FAAH2: variants seen among roughly 807,000 people sequenced by gnomAD.
FAAH2 encodes the protein fatty acid amide hydrolase 2.
FAAH2 carries 60 observed loss-of-function variants against 36.9 expected under a neutral mutation model. The ratio of observed to expected loss-of-function variants is 1.63; its 90% confidence interval spans 1.32 to 2.02. The LOEUF (loss-of-function observed/expected upper bound fraction) is 2.02. FAAH2 is among the 30% of genes most tolerant of loss of function. FAAH2 has a pLI of 0.00. For synonymous variants in FAAH2, 214 were observed against 143.8 expected, an observed-to-expected ratio of 1.49 and a Z score of -3.49; for missense variants, 689 against 397.5, an observed-to-expected ratio of 1.73 and a Z score of -6.23.
intron 7 of FAAH2, among the ~76,000 whole-genome samples, chrX:57,385,785 G>A (rs2055005834): frequency 9.0e-6 from 1 of 110,707 alleles, no homozygotes; most frequent in African/African-American, 3.3e-5. Context: ...GCGGGCGCCT[G>A]TAGTCCCAGC....
chrX:57,419,918 G>A (rs1029964795), intron 7 of FAAH2, among the ~76,000 whole-genome samples: 6 of 111,908 alleles, frequency 5.4e-5, no homozygotes, highest in Non-Finnish European at 1.1e-4. Context: ...AAGGGATCCA[G>A]TTTCAGCTTT....
intron 10 of FAAH2, among the ~76,000 whole-genome samples, chrX:57,478,537 G>A (rs1296763699): frequency 1.8e-5 from 2 of 111,600 alleles, no homozygotes; most frequent in African/African-American, 6.5e-5. Flanking sequence ...ATTGCTTTTG[G>A]TGTTTTAGAC....
intron 7 of FAAH2, among the ~76,000 whole-genome samples, chrX:57,409,734 T>C (rs1440577357): frequency 9.0e-6 from 1 of 111,149 alleles, no homozygotes; most frequent in Non-Finnish European, 1.9e-5. Context: ...CTTCTATGTT[T>C]CCACTTGTTA....
rs764618154 is a variant in FAAH2, at chrX:57,292,549, A to G, written c.244A>G (p.Asn82Asp). The G allele has an allele frequency of 8.3e-7, 1 of 1,210,421 alleles. No individual in the cohort carries two copies. The highest frequency in any genetic ancestry group is 3.0e-5 in the East Asian group (1 of 33,782). Residue 82 changes from asparagine (N) to aspartate (D), a missense_variant, in exon 2 of 11, where the codon AAC becomes GAC. Coordinates refer to ENST00000374900, the MANE Select transcript of FAAH2 (RefSeq NM_174912.4). ...TTATATCAACAGAATCAAGGACGTG[A>G]ACCCAATGATCAATGGAATTGTCAA... is the stretch of plus-strand genomic sequence containing the variant. ...QAYINRIKDV[N>D]PMINGIVKYR...
chrX:57,148,540 C>T, the FAAH2 span, among the ~76,000 whole-genome samples: 6 of 111,246 alleles, frequency 5.4e-5, no homozygotes, highest in African/African-American at 2.0e-4. Flanking sequence ...AATGGGAGTT[C>T]ACTCATGATT....
intron 7 of FAAH2, among the ~76,000 whole-genome samples, 190 bp from the exon 8 acceptor site, chrX:57,431,728 G>T (rs2056298923): frequency 9.5e-6 from 1 of 105,535 alleles, no homozygotes; most frequent in African/African-American, 3.5e-5. Context: ...AAACTACTTT[G>T]CTCTATATAT....
At chrX:57,163,235 C>T in the FAAH2 span, among the ~76,000 whole-genome samples, 32 of 111,911 alleles carry the variant, frequency 2.9e-4, no homozygotes, top group East Asian at 8.2e-3. Flanking sequence ...TCTCCAGCTG[C>T]GTGCTGGGAG....
intron 6 of FAAH2, among the ~76,000 whole-genome samples, chrX:57,379,352 G>A (rs980959563): frequency 1.8e-5 from 2 of 110,733 alleles, no homozygotes; most frequent in Non-Finnish European, 3.8e-5. Flanking sequence ...CATTTTTCTA[G>A]GTCTCCAGCT....
chrX:57,337,694 A>G (rs1244097871), intron 4 of FAAH2, among the ~76,000 whole-genome samples: 1 of 112,264 alleles, frequency 8.9e-6, no homozygotes, highest in Admixed American at 9.4e-5. Context: ...GCCTTCACTA[A>G]AATTCAACAT....
the FAAH2 span, among the ~76,000 whole-genome samples, chrX:57,197,673 A>T: frequency 5.4e-5 from 6 of 111,335 alleles, no homozygotes; most frequent in Non-Finnish European, 7.5e-5. Flanking sequence ...CAGCAGAGCT[A>T]CCGGGTTCCA....
intron 5 of FAAH2, among the ~76,000 whole-genome samples, chrX:57,354,804 T>G (rs1412079619): frequency 9.0e-6 from 1 of 110,959 alleles, no homozygotes; most frequent in African/African-American, 3.3e-5. Context: ...TTTATTCATT[T>G]CAGTATTTTC....
intron 3 of FAAH2, among the ~76,000 whole-genome samples, chrX:57,318,683 C>T (rs902090553): frequency 9.0e-6 from 1 of 111,627 alleles, no homozygotes; most frequent in Non-Finnish European, 1.9e-5. Context: ...GGGCCAGCAT[C>T]GTCCTGATAA....
chrX:57,197,543 A>ATTT, the FAAH2 span, among the ~76,000 whole-genome samples: 1 of 105,398 alleles, frequency 9.5e-6, no homozygotes, highest in Non-Finnish European at 2.0e-5. Context: ...CTATTCAGAT[A>ATTT]TTTTTTTTTT....
the FAAH2 span, among the ~76,000 whole-genome samples, chrX:57,186,158 A>G: frequency 8.9e-6 from 1 of 111,737 alleles, no homozygotes; most frequent in Non-Finnish European, 1.9e-5. Context: ...TGTCTTCCAC[A>G]ATGGTTGAAC....
Position 57,409,126 on chromosome X carries a change from T to C in FAAH2, c.997-22792T>C, listed in dbSNP as rs187696733. ...AAGTATGTGTTTATCCAAACATATA[T>C]AAACATATAAATAATACTGGTATTA... is the stretch of plus-strand genomic sequence containing the variant. On this transcript the variant is annotated intron_variant, in intron 7 of 10. Transcript: ENST00000374900. Among the ~76,000 whole-genome samples, 3 of 111,559 alleles carry C rather than the reference T, an allele frequency of 2.7e-5. No homozygotes were observed. The East Asian group carries it at 8.4e-4, about 31-fold the overall frequency.
chrX:57,400,448 A>T (rs1292399358), intron 7 of FAAH2, among the ~76,000 whole-genome samples: 1 of 112,533 alleles, frequency 8.9e-6, no homozygotes, highest in African/African-American at 3.2e-5. Context: ...TATAAAGAAA[A>T]GTCTTGCCCT....
At chrX:57,386,452 G>T (rs971668496) in intron 7 of FAAH2, among the ~76,000 whole-genome samples, 1 of 111,461 alleles carries the variant, frequency 9.0e-6, no homozygotes, top group African/African-American at 3.3e-5. Context: ...TACTTTCCTG[G>T]CGAGCTGGAG....
At chrX:57,349,602 T>G (rs1002667741) in intron 5 of FAAH2, among the ~76,000 whole-genome samples, 1 of 106,359 alleles carries the variant, frequency 9.4e-6, no homozygotes, top group Non-Finnish European at 1.9e-5. Context: ...AGTATTAATT[T>G]AAGGAAATAC....
intron 2 of FAAH2, among the ~76,000 whole-genome samples, chrX:57,308,421 G>A (rs1289467569): frequency 9.0e-6 from 1 of 111,500 alleles, no homozygotes; most frequent in Non-Finnish European, 1.9e-5. Context: ...TTGGCTGCTT[G>A]TCTATCTTCT....
Sources: gnomAD v4.1 joint callset for allele counts (sites outside exome capture counted in the v4.1 genomes callset) on GRCh38, gnomAD v4.1.1 for gene constraint, MANE v1.5 for transcripts, NCBI Gene and HGNC (gene_info 2026-07-23, HGNC 2026-07-21) for gene names.